Variants in DLGAP2 observed in about 807,000 individuals in gnomAD.
The protein encoded by DLGAP2 is DLG associated protein 2.
Under a neutral mutation model 100.3 loss-of-function variants are expected in DLGAP2, and 26 were observed. That is an observed-to-expected ratio of 0.26 (90% confidence interval 0.19 to 0.36). The LOEUF is 0.36. DLGAP2 is among the 10% of genes least tolerant of loss of function. DLGAP2 has a pLI of 1.00. For missense variants in DLGAP2, 1,858 were observed against 1,453.2 expected (o/e 1.28, Z -4.53); for synonymous variants, 886 against 630.1 (o/e 1.41, Z -6.08).
chr8:1,411,467 A>C (rs568880596), intron 3 of DLGAP2, among the ~76,000 whole-genome samples: 1 of 152,222 alleles, frequency 6.6e-6, no homozygotes, highest in Non-Finnish European at 1.5e-5. Context: ...TGCCGAAGAT[A>C]TAACTCCATC....
intron 6 of DLGAP2, among the ~76,000 whole-genome samples, chr8:1,592,363 C>T (rs1450921688): frequency 1.3e-5 from 2 of 152,240 alleles, no homozygotes; most frequent in East Asian, 3.9e-4. Context: ...TTATCCCTTT[C>T]TAACATCTTT....
intron 3 of DLGAP2, among the ~76,000 whole-genome samples, chr8:1,439,115 T>G (rs1797747575): frequency 6.6e-6 from 1 of 152,156 alleles, no homozygotes; most frequent in Admixed American, 6.5e-5. Flanking sequence ...GGTGACTTTA[T>G]CCTCCCTAAT....
chr8:1,543,614 C>G (rs917742440), intron 4 of DLGAP2, among the ~76,000 whole-genome samples: 8 of 152,314 alleles, frequency 5.3e-5, no homozygotes, highest in Non-Finnish European at 8.8e-5. Flanking sequence ...AAGTGTGAGT[C>G]TTCCAACCTG....
intron 2 of DLGAP2, among the ~76,000 whole-genome samples, chr8:1,180,857 C>G (rs1020266590): frequency 5.3e-5 from 6 of 113,554 alleles, no homozygotes; most frequent in Non-Finnish European, 7.7e-5. Context: ...AGTACACTTA[C>G]CGTCGAATGT....
At position 741,329 on chromosome 8, in the gene DLGAP2, TCTC is replaced by T. The variant is rs543485484; in HGVS notation, c.18+3508_18+3510del. On this transcript the variant is annotated intron_variant, in intron 1 of 14. Transcript: ENST00000637795. ...AGGCTTAACAGCAGTAACAAATTAA[TCTC>T]CTCAGCAAAGGCAGTAGGAGCTCAT... Among the ~76,000 whole-genome samples, 130 of 152,334 alleles carry T rather than the reference TCTC, an allele frequency of 8.5e-4. 1 individual carries two copies. The highest frequency in any genetic ancestry group is 2.9e-3 in the African/African-American group (121 of 41,560).
chr8:1,682,506 G>T (rs1478234033), intron 12 of DLGAP2, among the ~76,000 whole-genome samples: 1 of 150,096 alleles, frequency 6.7e-6, no homozygotes, highest in Admixed American at 6.6e-5. Context: ...AGGGAGTCTT[G>T]CTCTTTCTCC....
At chr8:910,668 C>G (rs997193954) in intron 2 of DLGAP2, 9 of 152,148 alleles carry the variant, frequency 5.9e-5, no homozygotes, top group Non-Finnish European at 1.3e-4. Context: ...TGCAACCTAC[C>G]TGGAGTGAGC....
intron 5 of DLGAP2, among the ~76,000 whole-genome samples, chr8:1,557,473 G>A (rs1439205732): frequency 6.6e-6 from 1 of 152,144 alleles, no homozygotes; most frequent in Non-Finnish European, 1.5e-5. Context: ...GTGAGCAGCG[G>A]GGACAGGTCT....
intron 4 of DLGAP2, among the ~76,000 whole-genome samples, chr8:1,517,775 A>G (rs931716709): frequency 6.6e-6 from 1 of 152,188 alleles, no homozygotes; most frequent in South Asian, 2.1e-4. Flanking sequence ...GTCGATGTCC[A>G]GCTGCTTGTT....
chr8:1,407,471 C>G (rs543753770), intron 3 of DLGAP2, among the ~76,000 whole-genome samples: 49 of 145,538 alleles, frequency 3.4e-4, no homozygotes, highest in African/African-American at 1.1e-3. Context: ...CCTCCTCATC[C>G]TCCAGGGTAG....
At chr8:1,230,616 A>G (rs1798516130) in intron 2 of DLGAP2, among the ~76,000 whole-genome samples, 2 of 152,322 alleles carry the variant, frequency 1.3e-5, no homozygotes, top group Admixed American at 1.3e-4. Context: ...CTGTACTATA[A>G]ACCTACAGTA....
At chr8:1,591,841 G>A (rs1434681591) in intron 6 of DLGAP2, among the ~76,000 whole-genome samples, 3 of 152,138 alleles carry the variant, frequency 2.0e-5, no homozygotes, top group African/African-American at 4.8e-5. Context: ...TGAAGCCCTC[G>A]CTTGGCCTCT....
intron 3 of DLGAP2, among the ~76,000 whole-genome samples, chr8:1,374,862 C>T (rs560171541): frequency 5.5e-4 from 84 of 152,276 alleles, no homozygotes; most frequent in African/African-American, 1.9e-3. Flanking sequence ...CGGTGCCGCA[C>T]GGCCTGGCAC....
chr8:1,145,412 C>A (rs1442324645), intron 2 of DLGAP2, among the ~76,000 whole-genome samples: 3 of 152,198 alleles, frequency 2.0e-5, no homozygotes, highest in Non-Finnish European at 4.4e-5. Context: ...GGAGACCTGG[C>A]TGAGCTGGTG....
chr8:1,369,881 G>A (rs1802195640), intron 3 of DLGAP2: 1 of 152,258 alleles, frequency 6.6e-6, no homozygotes, highest in East Asian at 1.9e-4. Flanking sequence ...CTGGCGGGAA[G>A]ACGCCGTCCT....
intron 3 of DLGAP2, among the ~76,000 whole-genome samples, chr8:1,261,536 G>A: frequency 6.8e-6 from 1 of 147,080 alleles, no homozygotes; most frequent in Non-Finnish European, 1.5e-5. Flanking sequence ...ATAAGTCGGG[G>A]GGCTCTCCAG....
At position 1,117,489 on chromosome 8, in the gene DLGAP2, G is replaced by T. The variant is rs1276734128; in HGVS notation, c.74-141362G>T. 4.6e-5 allele frequency among the ~76,000 whole-genome samples: 7 copies of T among 152,202 alleles called. 1 individual carries two copies. The highest frequency in any genetic ancestry group is 1.0e-4 in the Non-Finnish European group (7 of 68,038). ...ATGCTTAGAAATGAGGACTGAGGGTGGGGTGGACGCTGTGTAGGACAAGCC... is the reference window on the plus strand; with the variant it reads ...ATGCTTAGAAATGAGGACTGAGGGTTGGGTGGACGCTGTGTAGGACAAGCC... On this transcript the variant is annotated intron_variant, in intron 2 of 14. Transcript: ENST00000637795.
intron 2 of DLGAP2, among the ~76,000 whole-genome samples, chr8:1,046,095 G>A (rs1452244070): frequency 6.6e-6 from 1 of 152,184 alleles, no homozygotes; most frequent in Non-Finnish European, 1.5e-5. Flanking sequence ...CAATATAAAA[G>A]CTGCCCAGTT....
chr8:1,302,757 CCCG>C (rs1360021658), intron 3 of DLGAP2: 1 of 152,292 alleles, frequency 6.6e-6, no homozygotes, highest in African/African-American at 2.4e-5. Context: ...GGGCTCTTGC[CCCG>C]CCTGGGGACC....
Sources: allele counts gnomAD v4.1 joint callset (sites outside exome capture counted in the v4.1 genomes callset), GRCh38; gene constraint gnomAD v4.1.1; transcripts MANE v1.5; gene names NCBI Gene and HGNC (gene_info 2026-07-23, HGNC 2026-07-21).